ENTREP2: variants seen among roughly 807,000 people sequenced by gnomAD.
ENTREP2 encodes the protein protein ENTREP2.
chr15:29,544,874 T>G, the ENTREP2 span, among the ~76,000 whole-genome samples: 1 of 152,200 alleles, frequency 6.6e-6, no homozygotes, highest in African/African-American at 2.4e-5. Flanking sequence ...TGTCTGCCTG[T>G]GCATGCATAA....
chr15:29,256,777 T>A, the ENTREP2 span, among the ~76,000 whole-genome samples: 1 of 152,232 alleles, frequency 6.6e-6, no homozygotes, highest in Admixed American at 6.5e-5. Context: ...AAGTTTCACA[T>A]AAGTCTGGCA....
chr15:29,396,098 A>G, the ENTREP2 span, among the ~76,000 whole-genome samples: 1 of 152,138 alleles, frequency 6.6e-6, no homozygotes, highest in African/African-American at 2.4e-5. Flanking sequence ...ACTAGTTACC[A>G]TTTCTTCTGA....
chr15:29,643,563 A>G, the ENTREP2 span, among the ~76,000 whole-genome samples: 1 of 152,116 alleles, frequency 6.6e-6, no homozygotes, highest in African/African-American at 2.4e-5. Flanking sequence ...CAGGTGGATC[A>G]TGAGGTCAGG....
At chr15:29,195,939 C>T in the ENTREP2 span, among the ~76,000 whole-genome samples, 1 of 152,136 alleles carries the variant, frequency 6.6e-6, no homozygotes. Context: ...CAGAATAAAA[C>T]ACTCGGAAGA....
the ENTREP2 span, among the ~76,000 whole-genome samples, chr15:29,291,924 T>C: frequency 3.3e-5 from 5 of 152,094 alleles, no homozygotes; most frequent in African/African-American, 1.2e-4. Flanking sequence ...AGGAAAATAT[T>C]ATTATTACCA....
chr15:29,646,849 T>C, the ENTREP2 span, among the ~76,000 whole-genome samples: 3 of 152,284 alleles, frequency 2.0e-5, no homozygotes, highest in Admixed American at 6.5e-5. Flanking sequence ...CCACTCTGTC[T>C]ATCCTGAACC....
At chr15:29,359,436 G>A in the ENTREP2 span, among the ~76,000 whole-genome samples, 5 of 152,230 alleles carry the variant, frequency 3.3e-5, no homozygotes, top group Non-Finnish European at 5.9e-5. Flanking sequence ...ACCCCAAGAC[G>A]GAGTCTTGCT....
the ENTREP2 span, among the ~76,000 whole-genome samples, chr15:29,563,579 C>A: frequency 2.2e-4 from 34 of 152,270 alleles, 1 homozygote; most frequent in South Asian, 7.0e-3. Context: ...TGCCTATAAT[C>A]CCAGCACTTT....
chr15:29,434,127 G>T, the ENTREP2 span, among the ~76,000 whole-genome samples: 1 of 152,190 alleles, frequency 6.6e-6, no homozygotes, highest in East Asian at 1.9e-4. Flanking sequence ...GCTCTAGCTG[G>T]CATGCCACTT....
chr15:29,182,248 C>T, the ENTREP2 span, among the ~76,000 whole-genome samples: 1 of 151,890 alleles, frequency 6.6e-6, no homozygotes, highest in Non-Finnish European at 1.5e-5. Flanking sequence ...CCTCAGCCTC[C>T]CAAGTATCTG....
chr15:29,596,488 T>C, the ENTREP2 span, among the ~76,000 whole-genome samples: 1 of 152,176 alleles, frequency 6.6e-6, no homozygotes, highest in Non-Finnish European at 1.5e-5. Context: ...CTTTATCAGC[T>C]AGAATAGAGT....
the ENTREP2 span, among the ~76,000 whole-genome samples, chr15:29,271,377 T>C: frequency 1.3e-5 from 2 of 152,218 alleles, no homozygotes; most frequent in African/African-American, 4.8e-5. Context: ...GGATGTTGTA[T>C]TGAGGGAATA....
the ENTREP2 span, among the ~76,000 whole-genome samples, chr15:29,357,272 G>A: frequency 6.8e-4 from 104 of 152,200 alleles, no homozygotes; most frequent in African/African-American, 2.4e-3. Flanking sequence ...CAACTTCGAG[G>A]TAGGGAAGGA....
the ENTREP2 span, among the ~76,000 whole-genome samples, chr15:29,503,087 A>ATATATATATATAGAATTATATATATAT: frequency 6.6e-6 from 1 of 152,144 alleles, no homozygotes; most frequent in Admixed American, 6.5e-5. Flanking sequence ...CTGTAATTCT[A>ATATATATATATAGAATTATATATATAT]CCCTTACATA....
At chr15:29,408,125 G>A in the ENTREP2 span, among the ~76,000 whole-genome samples, 2 of 152,146 alleles carry the variant, frequency 1.3e-5, no homozygotes, top group African/African-American at 4.8e-5. Flanking sequence ...TTTAGGCAAC[G>A]ATCTAATATG....
chr15:29,482,031 C>T, the ENTREP2 span, among the ~76,000 whole-genome samples: 3 of 151,898 alleles, frequency 2.0e-5, no homozygotes, highest in South Asian at 6.2e-4. Context: ...GAGTTTTGCT[C>T]TTGTTGCCCA....
chr15:29,463,028 G>A, the ENTREP2 span, among the ~76,000 whole-genome samples: 1 of 152,184 alleles, frequency 6.6e-6, no homozygotes, highest in Non-Finnish European at 1.5e-5. Flanking sequence ...ATGAGGAGGT[G>A]CCTCCAGGGG....
the ENTREP2 span, among the ~76,000 whole-genome samples, chr15:29,674,142 G>C: frequency 5.9e-5 from 8 of 135,848 alleles, 1 homozygote; most frequent in East Asian, 5.9e-4. Flanking sequence ...GGGGGGGGGG[G>C]GCTTTGCCAG....
chr15:29,180,625 C>A, the ENTREP2 span, among the ~76,000 whole-genome samples: 18 of 152,086 alleles, frequency 1.2e-4, no homozygotes, highest in African/African-American at 2.4e-4. Flanking sequence ...GATCACGCCA[C>A]TGCATTCCAG....
Sources: allele counts gnomAD v4.1 joint callset (sites outside exome capture counted in the v4.1 genomes callset), GRCh38; gene constraint gnomAD v4.1.1; transcripts MANE v1.5; gene names NCBI Gene and HGNC (gene_info 2026-07-23, HGNC 2026-07-21).